CCDC178: variants seen among roughly 807,000 people sequenced by gnomAD.
CCDC178 encodes coiled-coil domain containing 178.
A neutral mutation model predicts 117.4 loss-of-function variants in CCDC178; 126 were observed. The observed-to-expected ratio is 1.07, with a 90% confidence interval of 0.93 to 1.24. The LOEUF (loss-of-function observed/expected upper bound fraction) is 1.24. CCDC178 is among the 50% of genes most tolerant of loss of function. The pLI is 0.00. For missense variants in CCDC178, 1,030 were observed against 986.9 expected, an observed-to-expected ratio of 1.04 and a Z score of -0.59; for synonymous variants, 283 against 313.4, an observed-to-expected ratio of 0.90 and a Z score of 1.02.
At chr18:33,432,680 CATT>C (rs2064237454) in intron 2 of CCDC178, among the ~76,000 whole-genome samples, 1 of 152,134 alleles carries the variant, frequency 6.6e-6, no homozygotes, top group Non-Finnish European at 1.5e-5. Flanking sequence ...ATAAGGGAAA[CATT>C]ATCTTCATGC....
At chr18:33,296,998 T>C (rs2062114309) in intron 11 of CCDC178, among the ~76,000 whole-genome samples, 1 of 152,132 alleles carries the variant, frequency 6.6e-6, no homozygotes, top group Non-Finnish European at 1.5e-5. Flanking sequence ...CACTGCAGCC[T>C]AGGTGACAGA....
intron 21 of CCDC178, among the ~76,000 whole-genome samples, chr18:33,067,630 A>G (rs2057039932): frequency 6.6e-6 from 1 of 152,168 alleles, no homozygotes; most frequent in African/African-American, 2.4e-5. Context: ...GGATGACCTG[A>G]AGTCGGGAGT....
intron 20 of CCDC178, among the ~76,000 whole-genome samples, chr18:33,164,004 A>G (rs1408144879): frequency 1.3e-5 from 2 of 151,884 alleles, no homozygotes; most frequent in African/African-American, 2.4e-5. Context: ...CACTTGGTTT[A>G]TAGAAATATC....
intron 22 of CCDC178, among the ~76,000 whole-genome samples, chr18:32,942,492 T>G (rs1004528559): frequency 1.3e-5 from 2 of 152,084 alleles, no homozygotes; most frequent in Non-Finnish European, 2.9e-5. Context: ...GAAAGTTTTT[T>G]TCCCCATAAG....
intron 21 of CCDC178, among the ~76,000 whole-genome samples, chr18:33,029,795 C>G (rs1361485572): frequency 1.3e-5 from 2 of 151,808 alleles, no homozygotes; most frequent in African/African-American, 4.8e-5. Context: ...TTGTAATTTT[C>G]CCAAGTTTCC....
At chr18:33,154,836 GATATAACAGTCATAA>G (rs1174875062) in intron 20 of CCDC178, among the ~76,000 whole-genome samples, 2 of 152,026 alleles carry the variant, frequency 1.3e-5, no homozygotes, top group Non-Finnish European at 2.9e-5. Context: ...TGGTTAAAAA[GATATAACAGTCATAA>G]ATATGTATAA....
At chr18:33,205,032 T>C (rs466881) in intron 20 of CCDC178, among the ~76,000 whole-genome samples, 24,441 of 152,022 alleles carry the variant, frequency 0.16, 2,740 homozygotes, top group African/African-American at 0.32. Flanking sequence ...ATGACTTTGA[T>C]AATTAATACA....
chr18:33,150,826 G>A (rs986422131), intron 20 of CCDC178, among the ~76,000 whole-genome samples: 11 of 152,126 alleles, frequency 7.2e-5, no homozygotes, highest in African/African-American at 1.7e-4. Flanking sequence ...ATATGCACAC[G>A]GATGGTTTAT....
At chr18:33,021,041 C>T (rs970195113) in intron 21 of CCDC178, among the ~76,000 whole-genome samples, 9 of 152,104 alleles carry the variant, frequency 5.9e-5, no homozygotes, top group African/African-American at 1.9e-4. Context: ...GGTGGTATCA[C>T]AAAAGCTACT....
intron 21 of CCDC178, among the ~76,000 whole-genome samples, chr18:33,030,389 A>G (rs2056312714): frequency 6.6e-6 from 1 of 151,944 alleles, no homozygotes; most frequent in Non-Finnish European, 1.5e-5. Flanking sequence ...TATGTAGTTG[A>G]ATGTTTTCTC....
chr18:33,333,140 A>G (rs777757070), intron 10 of CCDC178, 34 bp downstream of exon 10: 52 of 1,308,564 alleles, frequency 4.0e-5, no homozygotes, highest in East Asian at 4.7e-5. Flanking sequence ...ACTAAGTAAT[A>G]ATTTATGAAA....
At chr18:32,980,705 A>G (rs1471746379) in intron 21 of CCDC178, among the ~76,000 whole-genome samples, 1 of 152,192 alleles carries the variant, frequency 6.6e-6, no homozygotes, top group Non-Finnish European at 1.5e-5. Context: ...AAAACATTTG[A>G]AAAGTTTTTC....
chr18:33,240,204 AT>A (rs939374683), intron 15 of CCDC178, among the ~76,000 whole-genome samples: 8 of 151,842 alleles, frequency 5.3e-5, no homozygotes, highest in South Asian at 2.1e-4. Context: ...AAATAAAAAA[AT>A]ATATCAACAT....
At chr18:33,190,244 C>A (rs1397280654) in intron 20 of CCDC178, among the ~76,000 whole-genome samples, 1 of 152,186 alleles carries the variant, frequency 6.6e-6, no homozygotes, top group Non-Finnish European at 1.5e-5. Flanking sequence ...CCTCCAGTTT[C>A]TCTTTCCAGA....
intron 15 of CCDC178, among the ~76,000 whole-genome samples, 188 bp downstream of exon 15, chr18:33,245,057 C>A (rs533557129): frequency 1.2e-4 from 18 of 151,844 alleles, no homozygotes; most frequent in Admixed American, 2.6e-4. Flanking sequence ...CTACATTGAG[C>A]CCTCATCCTC....
chr18:33,172,964 A>G (rs2058621255), intron 20 of CCDC178, among the ~76,000 whole-genome samples: 2 of 152,170 alleles, frequency 1.3e-5, no homozygotes, highest in South Asian at 4.1e-4. Context: ...TGTCAAATTG[A>G]TCTTCTAATA....
chr18:33,130,502 T>G (rs746506688), intron 20 of CCDC178, among the ~76,000 whole-genome samples: 2 of 151,938 alleles, frequency 1.3e-5, no homozygotes, highest in African/African-American at 4.8e-5. Flanking sequence ...CTCAGAGAGA[T>G]AAAATAAATT....
intron 14 of CCDC178, among the ~76,000 whole-genome samples, chr18:33,249,698 G>A (rs903378724): frequency 6.6e-6 from 1 of 152,058 alleles, no homozygotes; most frequent in African/African-American, 2.4e-5. Context: ...AAGTGAGGGA[G>A]TGTGATGCCT....
intron 10 of CCDC178, among the ~76,000 whole-genome samples, chr18:33,327,429 G>C (rs1261534795): frequency 2.0e-5 from 3 of 151,822 alleles, no homozygotes; most frequent in Non-Finnish European, 2.9e-5. Flanking sequence ...TTTTCTTTTT[G>C]TTTTTTTAGT....
Sources: gnomAD v4.1 joint callset for allele counts (sites outside exome capture counted in the v4.1 genomes callset) on GRCh38, gnomAD v4.1.1 for gene constraint, MANE v1.5 for transcripts, NCBI Gene and HGNC (gene_info 2026-07-23, HGNC 2026-07-21) for gene names.